The following AFF3 variants were observed in gnomAD, a reference collection of about 807,000 sequenced individuals.
AFF3 encodes AF4/FMR2 family member 3.
AFF3 carries 32 observed loss-of-function variants against 129.7 expected under a neutral mutation model. The ratio of observed to expected loss-of-function variants is 0.25; its 90% confidence interval spans 0.19 to 0.33. AFF3 has a LOEUF of 0.33. AFF3 is among the 10% of genes least tolerant of loss of function. AFF3 has a pLI of 1.00. For missense variants in AFF3, 1,373 were observed against 1,592.0 expected (o/e 0.86, Z 2.34); for synonymous variants, 644 against 635.4 (o/e 1.01, Z -0.20).
intron 7 of AFF3, among the ~76,000 whole-genome samples, chr2:99,962,739 T>C (rs1424360967): frequency 6.6e-6 from 1 of 151,798 alleles, no homozygotes; most frequent in Non-Finnish European, 1.5e-5. Flanking sequence ...ACATCTCATT[T>C]GTCTTTTCCG....
At chr2:100,004,133 C>A (rs906321601) in intron 7 of AFF3, among the ~76,000 whole-genome samples, 5 of 152,124 alleles carry the variant, frequency 3.3e-5, no homozygotes, top group African/African-American at 1.2e-4. Flanking sequence ...CCCCCAAATT[C>A]TTCACACTGT....
chr2:100,094,334 A>T (rs1690109474), intron 4 of AFF3, among the ~76,000 whole-genome samples: 1 of 152,060 alleles, frequency 6.6e-6, no homozygotes, highest in African/African-American at 2.4e-5. Context: ...GCAACTAGAG[A>T]GTCCCATCTG....
chr2:99,776,037 A>G (rs1683878277), intron 8 of AFF3, among the ~76,000 whole-genome samples: 1 of 152,216 alleles, frequency 6.6e-6, no homozygotes, highest in African/African-American at 2.4e-5. Flanking sequence ...GTAGAACGAT[A>G]AAATAATACA....
intron 11 of AFF3, among the ~76,000 whole-genome samples, chr2:99,688,127 C>T (rs1013887219): frequency 6.6e-6 from 1 of 152,198 alleles, no homozygotes; most frequent in Non-Finnish European, 1.5e-5. Flanking sequence ...CAGGTGTGAG[C>T]CACTGCGCCC....
intron 12 of AFF3, among the ~76,000 whole-genome samples, chr2:99,663,789 TC>T (rs753649656): frequency 6.6e-6 from 1 of 152,200 alleles, no homozygotes; most frequent in African/African-American, 2.4e-5. Context: ...TCAATTTAGA[TC>T]CCTGGTCCCT....
intron 4 of AFF3, among the ~76,000 whole-genome samples, chr2:100,060,699 C>G (rs1371094407): frequency 1.3e-5 from 2 of 152,100 alleles, no homozygotes; most frequent in African/African-American, 4.8e-5. Flanking sequence ...CCCCTCACCC[C>G]CTGGATACCC....
At chr2:99,853,539 C>T (rs1427701866) in intron 7 of AFF3, among the ~76,000 whole-genome samples, 1 of 152,208 alleles carries the variant, frequency 6.6e-6, no homozygotes, top group Non-Finnish European at 1.5e-5. Context: ...AACTGCTAAT[C>T]TCATCGAGTA....
At chr2:99,584,106 G>A (rs531155987) in intron 16 of AFF3, among the ~76,000 whole-genome samples, 1 of 152,300 alleles carries the variant, frequency 6.6e-6, no homozygotes, top group African/African-American at 2.4e-5. Flanking sequence ...AATATGTGAA[G>A]CCAATTCTTA....
At chr2:99,555,041 A>C (rs755845454) in intron 22 of AFF3, among the ~76,000 whole-genome samples, 2 of 152,204 alleles carry the variant, frequency 1.3e-5, no homozygotes, top group Non-Finnish European at 2.9e-5. Context: ...CAAAAGTTCT[A>C]GTTTATCTGA....
intron 16 of AFF3, among the ~76,000 whole-genome samples, chr2:99,584,197 G>T (rs1192889552): frequency 2.0e-5 from 3 of 152,256 alleles, no homozygotes; most frequent in Non-Finnish European, 4.4e-5. Flanking sequence ...GCCGGGTGTG[G>T]TGGCTCACGC....
intron 13 of AFF3, among the ~76,000 whole-genome samples, chr2:99,621,383 C>T (rs1022424556): frequency 1.3e-5 from 2 of 152,226 alleles, no homozygotes; most frequent in Non-Finnish European, 1.5e-5. Flanking sequence ...ACTAAGTCTG[C>T]TATGCTGTGC....
intron 11 of AFF3, among the ~76,000 whole-genome samples, chr2:99,713,844 G>A (rs190832751): frequency 1.3e-5 from 2 of 151,808 alleles, no homozygotes; most frequent in African/African-American, 4.8e-5. Flanking sequence ...GATTACAGGC[G>A]CCCGCTACCA....
At chr2:99,552,113 C>T (rs1386787220) in intron 24 of AFF3, among the ~76,000 whole-genome samples, 2 of 152,174 alleles carry the variant, frequency 1.3e-5, no homozygotes, top group African/African-American at 2.4e-5. Flanking sequence ...TGGCCAAGCA[C>T]GGTGGCTCAC....
At chr2:99,614,303 T>C (rs1681208652) in intron 13 of AFF3, among the ~76,000 whole-genome samples, 1 of 152,220 alleles carries the variant, frequency 6.6e-6, no homozygotes. Flanking sequence ...GTCCATAAAC[T>C]TGGACATAAA....
chr2:99,685,637 T>C (rs1674981714), intron 11 of AFF3, among the ~76,000 whole-genome samples: 1 of 152,194 alleles, frequency 6.6e-6, no homozygotes, highest in African/African-American at 2.4e-5. Context: ...TTTTTAAACA[T>C]ATTCATCTAT....
chr2:99,833,594 C>T (rs1400098942), intron 8 of AFF3, among the ~76,000 whole-genome samples: 1 of 152,088 alleles, frequency 6.6e-6, no homozygotes, highest in Non-Finnish European at 1.5e-5. Flanking sequence ...TCAACAAATG[C>T]CATGTAAAGC....
At chr2:99,613,170 A>G (rs1681095305) in intron 13 of AFF3, among the ~76,000 whole-genome samples, 1 of 152,180 alleles carries the variant, frequency 6.6e-6, no homozygotes, top group South Asian at 2.1e-4. Flanking sequence ...TCACAGGGGA[A>G]CTTAATATTT....
chr2:99,942,713 G>C (rs1336623786), intron 7 of AFF3, among the ~76,000 whole-genome samples: 1 of 151,954 alleles, frequency 6.6e-6, no homozygotes, highest in Non-Finnish European at 1.5e-5. Flanking sequence ...TGGGGAAATG[G>C]AGAAGTCAAG....
At chr2:99,822,200 A>C (rs139886763) in intron 8 of AFF3, among the ~76,000 whole-genome samples, 19 of 152,206 alleles carry the variant, frequency 1.2e-4, no homozygotes, top group Non-Finnish European at 1.9e-4. Context: ...CGCCTCAAAG[A>C]AAGGCAGTCA....
Sources: allele counts gnomAD v4.1 joint callset (sites outside exome capture counted in the v4.1 genomes callset), GRCh38; gene constraint gnomAD v4.1.1; transcripts MANE v1.5; gene names NCBI Gene and HGNC (gene_info 2026-07-23, HGNC 2026-07-21).